MCTP1: variants seen among roughly 807,000 people sequenced by gnomAD.
The protein encoded by MCTP1 is multiple C2 and transmembrane domain containing 1, also known as multiple C2 and transmembrane domain-containing protein 1.
MCTP1 carries 69 observed loss-of-function variants against 120.6 expected under a neutral mutation model. The observed-to-expected ratio is 0.57, with a 90% CI of 0.47 to 0.70. MCTP1 has a LOEUF of 0.70. MCTP1 is among the 30% of genes least tolerant of loss of function. The pLI is 0.00. For missense variants in MCTP1, 1,203 were observed against 1,248.8 expected, an observed-to-expected ratio of 0.96 and a Z score of 0.55; for synonymous variants, 529 against 493.1, an observed-to-expected ratio of 1.07 and a Z score of -0.96.
intron 2 of MCTP1, among the ~76,000 whole-genome samples, chr5:94,964,558 T>C (rs1486819324): frequency 2.0e-5 from 3 of 152,222 alleles, no homozygotes; most frequent in Non-Finnish European, 4.4e-5. Flanking sequence ...ATATTTACAA[T>C]TGTTATGTCC....
chr5:95,087,567 T>C (rs756639663), intron 1 of MCTP1, among the ~76,000 whole-genome samples: 1 of 152,200 alleles, frequency 6.6e-6, no homozygotes, highest in Non-Finnish European at 1.5e-5. Flanking sequence ...TACATGAATA[T>C]TCCTGATGTT....
At chr5:94,871,257 T>C (rs578044070) in intron 14 of MCTP1, 58 bp downstream of exon 14, 47 of 1,083,416 alleles carry the variant, frequency 4.3e-5, no homozygotes, top group Admixed American at 7.7e-5. Context: ...CTTTTCTTTT[T>C]TTTTTTTTCC....
At chr5:94,795,066 C>T (rs1779717197) in intron 18 of MCTP1, among the ~76,000 whole-genome samples, 3 of 152,042 alleles carry the variant, frequency 2.0e-5, no homozygotes, top group African/African-American at 7.2e-5. Flanking sequence ...TCTTTCTGGC[C>T]CTGTTTCCCT....
At chr5:95,005,110 T>C (rs1349883110) in intron 2 of MCTP1, among the ~76,000 whole-genome samples, 1 of 152,278 alleles carries the variant, frequency 6.6e-6, no homozygotes, top group Middle Eastern at 3.4e-3. Context: ...TCAAAGGAGA[T>C]CATTTTGGAG....
intron 17 of MCTP1, among the ~76,000 whole-genome samples, chr5:94,846,865 A>G (rs1792508562): frequency 6.6e-6 from 1 of 151,874 alleles, no homozygotes; most frequent in South Asian, 2.1e-4. Flanking sequence ...AGCACCCTTG[A>G]TAATTCAAAT....
In MCTP1 at chr5:94,859,028, A is replaced by T. The variant is rs545519869; in HGVS notation, c.2436+9305T>A. Among the ~76,000 whole-genome samples the T allele has an allele frequency of 3.3e-5, 5 of 151,856 alleles. No homozygotes were observed. The East Asian group carries it at 9.7e-4, about 30-fold the overall frequency. On this transcript the variant is annotated intron_variant, in intron 17 of 22. Transcript: ENST00000515393. ...CAAGGTCTAAGCATCTGTCTTACCA[A>T]ACAGACCTCTACATTTTGTTTGGAG...
chr5:95,137,219 C>T (rs1271312179), intron 1 of MCTP1, among the ~76,000 whole-genome samples: 5 of 152,126 alleles, frequency 3.3e-5, no homozygotes, highest in Non-Finnish European at 7.3e-5. Flanking sequence ...AAGCTTGCTT[C>T]GGGGGAAGTA....
chr5:94,771,490 A>G (rs536185627), intron 19 of MCTP1, among the ~76,000 whole-genome samples: 2 of 152,360 alleles, frequency 1.3e-5, no homozygotes, highest in African/African-American at 4.8e-5. Flanking sequence ...AATAATATAG[A>G]CTTCTAAACC....
chr5:94,987,151 G>A (rs1444267542), intron 2 of MCTP1, among the ~76,000 whole-genome samples: 1 of 152,026 alleles, frequency 6.6e-6, no homozygotes, highest in East Asian at 1.9e-4. Context: ...ATTGCAGATG[G>A]GAAAGGCTAA....
intron 1 of MCTP1, among the ~76,000 whole-genome samples, chr5:95,050,106 C>T (rs1035575339): frequency 1.3e-5 from 2 of 151,244 alleles, no homozygotes; most frequent in African/African-American, 4.9e-5. Flanking sequence ...AAACATGTCC[C>T]ATAGCTTAGG....
chr5:95,245,379 C>T (rs1206607320), intron 1 of MCTP1, among the ~76,000 whole-genome samples: 8 of 152,072 alleles, frequency 5.3e-5, no homozygotes, highest in Admixed American at 2.0e-4. Flanking sequence ...GAAACTTCTC[C>T]GAGCTAAAGG....
chr5:94,882,817 G>T (rs920884226), intron 12 of MCTP1, among the ~76,000 whole-genome samples: 3 of 151,946 alleles, frequency 2.0e-5, no homozygotes, highest in Admixed American at 6.6e-5. Context: ...AATCTCTTTT[G>T]TCATCCCACC....
At chr5:95,072,545 C>A (rs537380175) in intron 1 of MCTP1, among the ~76,000 whole-genome samples, 1 of 152,150 alleles carries the variant, frequency 6.6e-6, no homozygotes, top group South Asian at 2.1e-4. Context: ...TATTGCAGCA[C>A]AAAGGGGCCA....
intron 1 of MCTP1, among the ~76,000 whole-genome samples, chr5:95,241,098 C>T (rs1756117810): frequency 6.6e-6 from 1 of 152,102 alleles, no homozygotes; most frequent in Admixed American, 6.6e-5. Context: ...TTATTGAGCA[C>T]ATACTATATA....
intron 10 of MCTP1, among the ~76,000 whole-genome samples, chr5:94,907,498 T>C (rs1269858198): frequency 1.3e-5 from 2 of 152,202 alleles, no homozygotes; most frequent in African/African-American, 2.4e-5. Context: ...ACTTCTCTTT[T>C]TCAAGCTTCC....
intron 2 of MCTP1, among the ~76,000 whole-genome samples, chr5:94,971,435 ATAAAGT>A (rs1231928567): frequency 1.3e-5 from 2 of 152,166 alleles, no homozygotes; most frequent in African/African-American, 2.4e-5. Flanking sequence ...TTCTAGCAAG[ATAAAGT>A]TAAATATGTA....
At chr5:94,912,760 C>T in intron 9 of MCTP1, 46 bp downstream of exon 9, 2 of 1,458,764 alleles carry the variant, frequency 1.4e-6, no homozygotes, top group South Asian at 1.5e-5. Flanking sequence ...ATTAACCAAC[C>T]AATGCCTTCC....
At chr5:94,847,092 T>C (rs1412526571) in intron 17 of MCTP1, among the ~76,000 whole-genome samples, 2 of 152,172 alleles carry the variant, frequency 1.3e-5, no homozygotes, top group Non-Finnish European at 2.9e-5. Context: ...GTTAGACCTC[T>C]GACATTTTGT....
chr5:95,058,417 G>A (rs896980413), intron 1 of MCTP1, among the ~76,000 whole-genome samples: 4 of 152,220 alleles, frequency 2.6e-5, no homozygotes, highest in South Asian at 2.1e-4. Flanking sequence ...AGGAAAAAGA[G>A]TGAAGAAATA....
Sources: allele counts gnomAD v4.1 joint callset (sites outside exome capture counted in the v4.1 genomes callset), GRCh38; gene constraint gnomAD v4.1.1; transcripts MANE v1.5; gene names NCBI Gene and HGNC (gene_info 2026-07-23, HGNC 2026-07-21).